Variants in KLHL29 observed in about 807,000 individuals in gnomAD.
The protein encoded by KLHL29 is kelch like family member 29.
In KLHL29, 21 loss-of-function variants were observed where a neutral mutation model predicts 80.4. The ratio of observed to expected loss-of-function variants is 0.26; its 90% CI spans 0.19 to 0.38. The LOEUF is 0.38. KLHL29 is among the 10% of genes least tolerant of loss of function. The pLI is 1.00. For synonymous variants in KLHL29, 511 were observed against 526.8 expected, an observed-to-expected ratio of 0.97 and a Z score of 0.41; for missense variants, 867 against 1,223.9, an observed-to-expected ratio of 0.71 and a Z score of 4.35.
chr2:23,418,084 G>C (rs113321153), intron 1 of KLHL29, among the ~76,000 whole-genome samples: 1 of 152,168 alleles, frequency 6.6e-6, no homozygotes, highest in Non-Finnish European at 1.5e-5. Context: ...TTGTAGACAC[G>C]CTGTAAGTGT....
chr2:23,403,380 C>T (rs1412244715), intron 1 of KLHL29, among the ~76,000 whole-genome samples: 1 of 152,122 alleles, frequency 6.6e-6, no homozygotes, highest in Non-Finnish European at 1.5e-5. Flanking sequence ...TGTATAATCC[C>T]ATATAAAAAT....
At chr2:23,536,422 C>T (rs1237035639) in intron 2 of KLHL29, among the ~76,000 whole-genome samples, 1 of 152,200 alleles carries the variant, frequency 6.6e-6, no homozygotes, top group African/African-American at 2.4e-5. Flanking sequence ...TACCCGGGTA[C>T]TTGTCGCAGC....
At chr2:23,412,046 G>C (rs1260741638) in intron 1 of KLHL29, among the ~76,000 whole-genome samples, 1 of 151,124 alleles carries the variant, frequency 6.6e-6, no homozygotes, top group African/African-American at 2.4e-5. Flanking sequence ...GTCAGAGGAA[G>C]TGTTGTGGGA....
chr2:23,594,752 A>G (rs142799400), intron 3 of KLHL29, among the ~76,000 whole-genome samples: 2 of 152,366 alleles, frequency 1.3e-5, no homozygotes, highest in East Asian at 1.9e-4. Context: ...TTCAAAATTC[A>G]TGTAGTGAAT....
chr2:23,550,708 C>T (rs1156521796), intron 2 of KLHL29, among the ~76,000 whole-genome samples: 3 of 152,168 alleles, frequency 2.0e-5, no homozygotes, highest in Non-Finnish European at 2.9e-5. Context: ...ATTGCAAGAG[C>T]ATTTTTGGCA....
intron 2 of KLHL29, among the ~76,000 whole-genome samples, chr2:23,535,785 G>A (rs1442971974): frequency 6.6e-6 from 1 of 152,188 alleles, no homozygotes; most frequent in Non-Finnish European, 1.5e-5. Flanking sequence ...TTTTTAGTGG[G>A]CAGAGTTTCA....
intron 1 of KLHL29, among the ~76,000 whole-genome samples, chr2:23,435,365 C>T (rs1402362753): frequency 6.6e-6 from 1 of 152,134 alleles, no homozygotes; most frequent in Admixed American, 6.5e-5. Flanking sequence ...TGGAAGATGG[C>T]CTGTCAAGTG....
chr2:23,473,929 G>C (rs1243536753), intron 1 of KLHL29, among the ~76,000 whole-genome samples: 2 of 152,084 alleles, frequency 1.3e-5, no homozygotes, highest in Non-Finnish European at 2.9e-5. Flanking sequence ...CTTAGGGCCA[G>C]ATGCCCACAC....
chr2:23,657,805 G>T (rs562641553), intron 5 of KLHL29, among the ~76,000 whole-genome samples: 1 of 152,318 alleles, frequency 6.6e-6, no homozygotes, highest in South Asian at 2.1e-4. Flanking sequence ...AAGAAGGCTG[G>T]TTGGTCACCG....
At chr2:23,438,805 C>A (rs1663423392) in intron 1 of KLHL29, among the ~76,000 whole-genome samples, 1 of 152,076 alleles carries the variant, frequency 6.6e-6, no homozygotes, top group African/African-American at 2.4e-5. Flanking sequence ...GCTTTGGTAT[C>A]AGGATGATGC....
intron 1 of KLHL29, among the ~76,000 whole-genome samples, chr2:23,441,735 A>G (rs1381747577): frequency 1.3e-5 from 2 of 152,190 alleles, no homozygotes; most frequent in African/African-American, 4.8e-5. Flanking sequence ...GCTGTTGACC[A>G]CAGCTTCAGT....
chr2:23,536,223 C>T (rs931759128), intron 2 of KLHL29, among the ~76,000 whole-genome samples: 2 of 152,164 alleles, frequency 1.3e-5, no homozygotes, highest in African/African-American at 4.8e-5. Flanking sequence ...TCTCGGGCAA[C>T]GTGTATCCTG....
intron 1 of KLHL29, among the ~76,000 whole-genome samples, chr2:23,439,820 A>G (rs1175343521): frequency 2.0e-5 from 3 of 152,120 alleles, no homozygotes; most frequent in African/African-American, 4.8e-5. Flanking sequence ...GTAGATGTCT[A>G]TTAGGTCCGC....
At chr2:23,556,887 T>G (rs564460989) in intron 2 of KLHL29, among the ~76,000 whole-genome samples, 2 of 152,320 alleles carry the variant, frequency 1.3e-5, no homozygotes, top group East Asian at 3.9e-4. Context: ...TCTAGAGCAT[T>G]TTCTTCACAT....
chr2:23,658,459 C>T (rs1202937235), intron 5 of KLHL29, among the ~76,000 whole-genome samples: 1 of 152,200 alleles, frequency 6.6e-6, no homozygotes, highest in Non-Finnish European at 1.5e-5. Flanking sequence ...CCACAAGGCT[C>T]ACAGAAGCAC....
chr2:23,541,137 G>C, intron 2 of KLHL29, among the ~76,000 whole-genome samples: 1 of 152,226 alleles, frequency 6.6e-6, no homozygotes, highest in Non-Finnish European at 1.5e-5. Context: ...AATTCTGTTG[G>C]GAACCTTTCT....
intron 1 of KLHL29, among the ~76,000 whole-genome samples, chr2:23,409,566 A>G (rs1017162927): frequency 3.3e-5 from 5 of 152,224 alleles, no homozygotes; most frequent in Non-Finnish European, 7.3e-5. Context: ...GCCATCAGCA[A>G]TTCCTCTGTG....
chr2:23,625,899 G>A (rs898666302), intron 3 of KLHL29, among the ~76,000 whole-genome samples: 2 of 152,182 alleles, frequency 1.3e-5, no homozygotes, highest in Admixed American at 6.5e-5. Context: ...GTGAGGACAC[G>A]GCAAGAAGGC....
intron 1 of KLHL29, among the ~76,000 whole-genome samples, chr2:23,386,288 G>T (rs1433553352): frequency 6.6e-6 from 1 of 152,186 alleles, no homozygotes; most frequent in African/African-American, 2.4e-5. Flanking sequence ...CCAGGTTGGG[G>T]TTTTCTGCCC....
Sources: gnomAD v4.1 joint callset for allele counts (sites outside exome capture counted in the v4.1 genomes callset) on GRCh38, gnomAD v4.1.1 for gene constraint, MANE v1.5 for transcripts, NCBI Gene and HGNC (gene_info 2026-07-23, HGNC 2026-07-21) for gene names.